PTCHD4: variants seen among roughly 807,000 people sequenced by gnomAD.
PTCHD4 encodes patched domain-containing protein 4.
A neutral mutation model predicts 58.1 loss-of-function variants in PTCHD4; 33 were observed. The observed-to-expected ratio is 0.57, with a 90% CI of 0.43 to 0.76. PTCHD4 has a LOEUF of 0.76. Ranked by LOEUF, PTCHD4 falls within the 30% of genes least tolerant of loss-of-function variation. The pLI is 0.00. For missense variants in PTCHD4, 1,058 were observed against 1,027.1 expected (o/e 1.03, Z -0.41); for synonymous variants, 478 against 409.6 (o/e 1.17, Z -2.02).
At chr6:47,988,395 G>A (rs986415469) in intron 4 of PTCHD4, among the ~76,000 whole-genome samples, 6 of 152,118 alleles carry the variant, frequency 3.9e-5, no homozygotes, top group African/African-American at 1.4e-4. Flanking sequence ...AAGAAACAGG[G>A]TGATTGAGTC....
chr6:47,868,908 A>T lies in PTCHD4; in HGVS notation c.*9395T>A, dbSNP rs1561928607. On this transcript the variant is annotated 3_prime_UTR_variant, in exon 5 of 5. Transcript: ENST00000339488. ...GAAAATGGCTATTGAATAAGTCCAA[A>T]CATTTCCAGGAAAGACATAAAGGCA... Among the ~76,000 whole-genome samples the T allele has an allele frequency of 1.3e-5, 2 of 151,746 alleles. No homozygotes were observed. Among genetic ancestry groups the T allele is most frequent in the African/African-American group, 2.4e-5 (1 of 41,384 alleles).
intron 3 of PTCHD4, among the ~76,000 whole-genome samples, chr6:48,056,807 T>A (rs1764420476): frequency 6.6e-6 from 1 of 152,192 alleles, no homozygotes; most frequent in Non-Finnish European, 1.5e-5. Context: ...TGATCACTGC[T>A]GTGAGTTAGA....
At chr6:48,030,087 T>A (rs1216266187) in intron 3 of PTCHD4, among the ~76,000 whole-genome samples, 2 of 151,950 alleles carry the variant, frequency 1.3e-5, no homozygotes, top group Non-Finnish European at 2.9e-5. Context: ...AGATCCCTTA[T>A]GAATATTACC....
At chr6:47,964,978 A>T (rs1019898507) in intron 4 of PTCHD4, among the ~76,000 whole-genome samples, 5 of 152,244 alleles carry the variant, frequency 3.3e-5, no homozygotes, top group Admixed American at 3.3e-4. Context: ...GGGGTATGAC[A>T]GTACAATATT....
intron 4 of PTCHD4, among the ~76,000 whole-genome samples, chr6:47,913,237 G>A (rs1445223839): frequency 6.6e-6 from 1 of 151,978 alleles, no homozygotes; most frequent in Non-Finnish European, 1.5e-5. Flanking sequence ...TTTTTATGAG[G>A]ATTAAATAAT....
intron 3 of PTCHD4, among the ~76,000 whole-genome samples, chr6:48,025,094 C>T (rs1204702886): frequency 6.6e-6 from 1 of 152,076 alleles, no homozygotes; most frequent in Non-Finnish European, 1.5e-5. Flanking sequence ...TTCATTCTTG[C>T]TATAGATATT....
At chr6:48,033,015 TATC>T (rs1285808337) in intron 3 of PTCHD4, among the ~76,000 whole-genome samples, 1 of 152,178 alleles carries the variant, frequency 6.6e-6, no homozygotes, top group African/African-American at 2.4e-5. Flanking sequence ...GTAAGCATCT[TATC>T]AGCTAAAAAT....
intron 4 of PTCHD4, among the ~76,000 whole-genome samples, chr6:47,995,888 T>G (rs1337332606): frequency 6.6e-6 from 1 of 152,212 alleles, no homozygotes; most frequent in Non-Finnish European, 1.5e-5. Context: ...AGTTCATGTC[T>G]AGTATAATTT....
At chr6:47,923,409 T>C (rs1488113395) in intron 4 of PTCHD4, among the ~76,000 whole-genome samples, 1 of 152,206 alleles carries the variant, frequency 6.6e-6, no homozygotes, top group Non-Finnish European at 1.5e-5. Context: ...TTACTCAAGT[T>C]ATAGCACTAA....
intron 4 of PTCHD4, among the ~76,000 whole-genome samples, chr6:47,905,679 C>G (rs1052081778): frequency 6.6e-6 from 1 of 152,156 alleles, no homozygotes; most frequent in Admixed American, 6.5e-5. Context: ...TACTGTATCC[C>G]CAATGTGCAT....
intron 1 of PTCHD4, among the ~76,000 whole-genome samples, chr6:48,106,445 C>T (rs564857327): frequency 6.2e-4 from 95 of 152,144 alleles, no homozygotes; most frequent in Non-Finnish European, 8.4e-4. Flanking sequence ...ATTGATAAGA[C>T]GTATCTCAAA....
At chr6:47,908,281 T>C (rs1319601329) in intron 4 of PTCHD4, among the ~76,000 whole-genome samples, 1 of 152,154 alleles carries the variant, frequency 6.6e-6, no homozygotes, top group Admixed American at 6.5e-5. Flanking sequence ...GTTACTATTA[T>C]TATTGGGGTG....
At position 48,096,737 on chromosome 6, in the gene PTCHD4, C is replaced by T. The variant is rs904173037; in HGVS notation, c.-970+14312G>A. ...CAGCATGGGGCAATATTGTGATGGG[C>T]CTTCTATGCTACCTTGGAGAATTTA... On this transcript the variant is annotated intron_variant, in intron 1 of 4. Transcript: ENST00000339488. Among the ~76,000 whole-genome samples the T allele has an allele frequency of 7.2e-5, 11 of 152,074 alleles. No individual in the cohort carries two copies. The South Asian group carries it at 1.9e-3, about 26-fold the overall frequency.
At chr6:47,905,084 C>CACACACACAT (rs1018092941) in intron 4 of PTCHD4, among the ~76,000 whole-genome samples, 1 of 146,908 alleles carries the variant, frequency 6.8e-6, no homozygotes, top group African/African-American at 2.6e-5. Context: ...CACACACACA[C>CACACACACAT]ATAAATGAAT....
rs918963351 is a variant in PTCHD4, at chr6:47,864,752, C to T, written c.*13551G>A. ...GTCATTTTAATGCTAATGTTAAAACCATGTATGTGTGAAATATTTGACAGG... is the reference window on the plus strand; with the variant it reads ...GTCATTTTAATGCTAATGTTAAAACTATGTATGTGTGAAATATTTGACAGG... On this transcript the variant is annotated 3_prime_UTR_variant, in exon 5 of 5. Coordinates refer to ENST00000339488, the MANE Select transcript of PTCHD4 (RefSeq NM_001384253.1). Among the ~76,000 whole-genome samples the T allele has an allele frequency of 1.3e-5, 2 of 151,808 alleles. No homozygotes were observed. The highest frequency in any genetic ancestry group is 4.8e-5 in the African/African-American group (2 of 41,348).
intron 1 of PTCHD4, among the ~76,000 whole-genome samples, chr6:48,076,009 A>G (rs1765059015): frequency 6.6e-6 from 1 of 152,314 alleles, no homozygotes; most frequent in Middle Eastern, 3.4e-3. Flanking sequence ...CCCACTGCGG[A>G]ACTTCTTTCA....
chr6:47,984,129 C>A (rs2114017013), intron 4 of PTCHD4, among the ~76,000 whole-genome samples: 1 of 152,184 alleles, frequency 6.6e-6, no homozygotes, highest in Non-Finnish European at 1.5e-5. Flanking sequence ...ATTTCATAAT[C>A]ATTTAAACTA....
chr6:47,967,488 G>A (rs1368802921), intron 4 of PTCHD4, among the ~76,000 whole-genome samples: 4 of 152,140 alleles, frequency 2.6e-5, no homozygotes, highest in East Asian at 3.8e-4. Flanking sequence ...CCCTTAACAC[G>A]AGTCAGCCCA....
At chr6:48,105,360 C>CACA (rs376480743) in intron 1 of PTCHD4, among the ~76,000 whole-genome samples, 24,075 of 150,494 alleles carry the variant, frequency 0.16, 1,964 homozygotes, top group African/African-American at 0.21. Context: ...CTACTGGGTA[C>CACA]ACGAAATGAA....
Sources: gnomAD v4.1 joint callset for allele counts (sites outside exome capture counted in the v4.1 genomes callset) on GRCh38, gnomAD v4.1.1 for gene constraint, MANE v1.5 for transcripts, NCBI Gene and HGNC (gene_info 2026-07-23, HGNC 2026-07-21) for gene names.